The following CDIN1 variants were observed in gnomAD, a reference collection of about 807,000 sequenced individuals.
The protein encoded by CDIN1 is CDAN1-interacting nuclease 1.
CDIN1 carries 33 observed loss-of-function variants against 45.3 expected under a neutral mutation model. That is an observed-to-expected ratio of 0.73 (90% confidence interval 0.55 to 0.97). The LOEUF (loss-of-function observed/expected upper bound fraction) is 0.97, where lower values mean the gene tolerates loss of function less well. CDIN1 is among the 50% of genes least tolerant of loss of function. The probability of loss-of-function intolerance (pLI) is 0.00; values close to 1 mark genes in which losing one functional copy is unlikely to be tolerated. For synonymous variants in CDIN1, 118 were observed against 124.4 expected (o/e 0.95, Z 0.34); for missense variants, 303 against 339.4 (o/e 0.89, Z 0.84).
chr15:36,719,776 T>G (rs2043343267), intron 10 of CDIN1, among the ~76,000 whole-genome samples: 1 of 152,176 alleles, frequency 6.6e-6, no homozygotes, highest in Non-Finnish European at 1.5e-5. Context: ...GTGAAAGATT[T>G]TTAACTATAA....
At chr15:36,690,362 G>A (rs949090473) in intron 5 of CDIN1, among the ~76,000 whole-genome samples, 6 of 151,212 alleles carry the variant, frequency 4.0e-5, no homozygotes, top group Middle Eastern at 6.8e-3. Context: ...TCCGCCTCCC[G>A]GGTTCATGCC....
In CDIN1 at chr15:36,617,556, A is replaced by T. The variant is rs534479359; in HGVS notation, c.102-26722A>T. On this transcript the variant is annotated intron_variant, in intron 1 of 10. Coordinates refer to ENST00000566621, the MANE Select transcript of CDIN1 (RefSeq NM_001321759.2). ...GTGATCAGTTCATCCCAATTTGGAC[A>T]GTTGTTAACATGGAAGAAATAAAAA... The T allele has an allele frequency of 4.3e-5, 34 of 797,612 alleles. No individual in the cohort carries two copies. The South Asian group carries it at 4.4e-4, about 10-fold the overall frequency. 49.4% of individuals were successfully genotyped at this position (797,612 alleles called of 1,614,324 possible).
intron 1 of CDIN1, among the ~76,000 whole-genome samples, chr15:36,624,574 A>C (rs537147868): frequency 6.6e-6 from 1 of 152,178 alleles, no homozygotes; most frequent in African/African-American, 2.4e-5. Context: ...TGAGGCTTCA[A>C]ATAGTTTGCT....
chr15:36,742,309 A>C (rs996331207), intron 10 of CDIN1, among the ~76,000 whole-genome samples: 2 of 152,228 alleles, frequency 1.3e-5, no homozygotes, highest in African/African-American at 4.8e-5. Flanking sequence ...ATGAGATACG[A>C]ACCCTTACTG....
intron 1 of CDIN1, among the ~76,000 whole-genome samples, chr15:36,605,915 G>T (rs1458859477): frequency 1.3e-5 from 2 of 152,158 alleles, no homozygotes; most frequent in Non-Finnish European, 2.9e-5. Flanking sequence ...ATTAACATAT[G>T]ACAGATGCAC....
At chr15:36,630,025 G>A (rs889729868) in intron 1 of CDIN1, among the ~76,000 whole-genome samples, 3 of 152,120 alleles carry the variant, frequency 2.0e-5, no homozygotes, top group Non-Finnish European at 4.4e-5. Flanking sequence ...AGGAGAGGCT[G>A]GAATTTCAGC....
intron 1 of CDIN1, among the ~76,000 whole-genome samples, chr15:36,581,541 T>C (rs1350785945): frequency 6.6e-6 from 1 of 152,186 alleles, no homozygotes. Context: ...GGAAACTTTA[T>C]TTAGAGAGAG....
intron 5 of CDIN1, among the ~76,000 whole-genome samples, chr15:36,673,222 T>G (rs952650431): frequency 4.6e-5 from 7 of 152,072 alleles, no homozygotes; most frequent in African/African-American, 1.7e-4. Context: ...TCCGGGTGTT[T>G]GAAAGGCCCA....
intron 8 of CDIN1, among the ~76,000 whole-genome samples, chr15:36,702,865 A>G (rs752586631): frequency 4.6e-5 from 7 of 151,958 alleles, no homozygotes; most frequent in Non-Finnish European, 1.0e-4. Flanking sequence ...TAGAGTTTAT[A>G]ATCCCAGAGC....
At chr15:36,797,211 G>GCTAT (rs2054829947) in intron 10 of CDIN1, among the ~76,000 whole-genome samples, 2 of 152,306 alleles carry the variant, frequency 1.3e-5, no homozygotes, top group South Asian at 4.1e-4. Context: ...TTAATAGTTT[G>GCTAT]CTATCTCTTC....
intron 10 of CDIN1, among the ~76,000 whole-genome samples, chr15:36,728,653 A>G (rs989850663): frequency 2.6e-5 from 4 of 151,880 alleles, no homozygotes; most frequent in South Asian, 4.1e-4. Flanking sequence ...TGAGGTTTTA[A>G]ATAAGCCTTA....
chr15:36,614,846 A>G (rs2038813209), intron 1 of CDIN1, among the ~76,000 whole-genome samples: 1 of 152,170 alleles, frequency 6.6e-6, no homozygotes, highest in African/African-American at 2.4e-5. Flanking sequence ...TTATTTTTTC[A>G]TTAGAAGTCA....
chr15:36,728,277 C>T (rs557504720), intron 10 of CDIN1, among the ~76,000 whole-genome samples: 4 of 152,256 alleles, frequency 2.6e-5, no homozygotes, highest in South Asian at 4.1e-4. Context: ...GTGGGCTTCT[C>T]CCACCCCCCT....
chr15:36,696,583 A>G (rs1481944829), intron 7 of CDIN1: 2 of 152,206 alleles, frequency 1.3e-5, no homozygotes, highest in East Asian at 3.9e-4. Flanking sequence ...TAATTTAAAA[A>G]TTTTTTTAGA....
chr15:36,689,668 T>G (rs114513050), intron 5 of CDIN1, among the ~76,000 whole-genome samples: 364 of 152,278 alleles, frequency 2.4e-3, no homozygotes, highest in African/African-American at 8.3e-3. Context: ...AATACTGAGT[T>G]TCCCAGGCAC....
intron 10 of CDIN1, among the ~76,000 whole-genome samples, chr15:36,712,748 G>T (rs2043099209): frequency 6.6e-6 from 1 of 152,080 alleles, no homozygotes; most frequent in African/African-American, 2.4e-5. Context: ...GTGCTACTGA[G>T]TAAAGAACAT....
intron 10 of CDIN1, among the ~76,000 whole-genome samples, chr15:36,711,142 G>A (rs2043042697): frequency 6.6e-6 from 1 of 152,114 alleles, no homozygotes; most frequent in Non-Finnish European, 1.5e-5. Context: ...TTGAATTTTA[G>A]ATTTTTAGCA....
At chr15:36,761,965 G>A (rs2053776187) in intron 10 of CDIN1, among the ~76,000 whole-genome samples, 1 of 152,182 alleles carries the variant, frequency 6.6e-6, no homozygotes, top group African/African-American at 2.4e-5. Context: ...CTTGTATACT[G>A]AAATGGGGTT....
chr15:36,725,097 T>A (rs1476207106), intron 10 of CDIN1, among the ~76,000 whole-genome samples: 3 of 152,120 alleles, frequency 2.0e-5, no homozygotes, highest in African/African-American at 7.2e-5. Context: ...TGTTGACGTA[T>A]TTTGACACAA....
Sources: allele counts gnomAD v4.1 joint callset (sites outside exome capture counted in the v4.1 genomes callset), GRCh38; gene constraint gnomAD v4.1.1; transcripts MANE v1.5; gene names NCBI Gene and HGNC (gene_info 2026-07-23, HGNC 2026-07-21).